The following SCLT1 variants were observed in gnomAD, a reference collection of about 807,000 sequenced individuals.
The protein encoded by SCLT1 is sodium channel-associated protein 1.
Under a neutral mutation model 112.8 loss-of-function variants are expected in SCLT1, and 78 were observed. The observed-to-expected ratio is 0.69, with a 90% CI of 0.58 to 0.83. The LOEUF is 0.83. Among genes scored for constraint, SCLT1 ranks in the 40% least tolerant of loss-of-function variants. The probability of loss-of-function intolerance (pLI) is 0.00; values close to 1 mark genes in which losing one functional copy is unlikely to be tolerated. For missense variants in SCLT1, 747 were observed against 770.4 expected (o/e 0.97, Z 0.36); for synonymous variants, 257 against 254.7 (o/e 1.01, Z -0.09).
chr4:129,077,806 C>A (rs1396579055), intron 2 of SCLT1, among the ~76,000 whole-genome samples: 1 of 152,224 alleles, frequency 6.6e-6, no homozygotes, highest in Non-Finnish European at 1.5e-5. Flanking sequence ...AGAAAAAATT[C>A]TCTTGAACAT....
rs902585459 is a variant in SCLT1 at position 129,012,348 on chromosome 4, TTC to T, written c.291-8474_291-8473del. 4.6e-5 allele frequency among the ~76,000 whole-genome samples: 7 copies of T among 152,274 alleles called. No homozygotes were observed. In the South Asian group the frequency reaches 1.0e-3, roughly 23 times the overall value. On this transcript the variant is annotated intron_variant, in intron 5 of 20. Transcript: ENST00000281142. ...TGTAATTGTATGGTTTTGAGCAAAT[TTC>T]TGTTTTGGCTTCTAATTTGTGCTGT... is the stretch of plus-strand genomic sequence containing the variant.
intron 13 of SCLT1, among the ~76,000 whole-genome samples, chr4:128,954,305 G>A (rs1054250147): frequency 6.8e-6 from 1 of 147,468 alleles, no homozygotes; most frequent in African/African-American, 2.5e-5. Flanking sequence ...TATTATTTCT[G>A]GGTCTATTTT....
chr4:128,961,713 C>T (rs1490674326), intron 11 of SCLT1, among the ~76,000 whole-genome samples: 1 of 152,022 alleles, frequency 6.6e-6, no homozygotes, highest in Non-Finnish European at 1.5e-5. Context: ...AAGTATTTCC[C>T]CCAAAGGTTT....
At position 128,917,450 on chromosome 4, in the gene SCLT1, T is replaced by C. The variant is rs560481881; in HGVS notation, c.1829+19205A>G. Among the ~76,000 whole-genome samples the C allele has an allele frequency of 2.5e-4, 38 of 152,310 alleles. No homozygotes were observed. The East Asian group carries it at 6.6e-3, about 26-fold the overall frequency. On this transcript the variant is annotated intron_variant, in intron 18 of 20. Transcript: ENST00000281142. ...TGATCCTGATACTAATCCCCAGCAA[T>C]AGTTCTGATAATTTATTTTATAGCC...
chr4:128,907,633 T>C (rs1249195890), intron 18 of SCLT1, among the ~76,000 whole-genome samples: 1 of 152,078 alleles, frequency 6.6e-6, no homozygotes. Context: ...CAGTAGAGAG[T>C]TGGAAATACA....
intron 2 of SCLT1, among the ~76,000 whole-genome samples, chr4:129,048,417 G>T (rs1424511860): frequency 6.6e-6 from 1 of 151,030 alleles, no homozygotes; most frequent in Non-Finnish European, 1.5e-5. Context: ...GGGAAAACTG[G>T]CTAGCCATAT....
At position 128,890,916 on chromosome 4, in the gene SCLT1, C is replaced by T. The variant is rs567061669; in HGVS notation, c.1908+143G>A. 33 of 576,330 alleles carry T rather than the reference C, an allele frequency of 5.7e-5. No individual in the cohort carries two copies. The East Asian group carries it at 7.7e-4, about 13-fold the overall frequency. The allele number at this position is 576,330 out of a possible 1,614,324, so 35.7% of individuals were successfully genotyped here. On this transcript the variant is annotated intron_variant, in intron 19 of 20. Transcript: ENST00000281142. ...CAAAGCTTTTATTCACATTATATTGCGTGTGGGCTTTTAGGGTTATGGATG... is the reference window on the plus strand; with the variant it reads ...CAAAGCTTTTATTCACATTATATTGTGTGTGGGCTTTTAGGGTTATGGATG...
chr4:128,978,444 A>C (rs905271082), intron 9 of SCLT1, among the ~76,000 whole-genome samples: 6 of 151,888 alleles, frequency 4.0e-5, no homozygotes, highest in Non-Finnish European at 7.4e-5. Context: ...AAACAAAACA[A>C]AACAAAACAA....
intron 18 of SCLT1, among the ~76,000 whole-genome samples, chr4:128,905,807 C>A (rs1229786926): frequency 1.4e-5 from 1 of 72,350 alleles, no homozygotes; most frequent in East Asian, 3.9e-4. Context: ...CCTTTTTAGA[C>A]TATTTTTTTT....
chr4:129,056,045 C>T (rs907663593), intron 2 of SCLT1, among the ~76,000 whole-genome samples: 4 of 152,138 alleles, frequency 2.6e-5, no homozygotes, highest in Admixed American at 1.3e-4. Context: ...GGAGGGAGAC[C>T]CCGGCTGCTT....
At chr4:128,895,226 A>C (rs1367931354) in intron 18 of SCLT1, among the ~76,000 whole-genome samples, 1 of 152,188 alleles carries the variant, frequency 6.6e-6, no homozygotes, top group Non-Finnish European at 1.5e-5. Context: ...TTCCCTCTCT[A>C]AACCATGTAT....
intron 18 of SCLT1, among the ~76,000 whole-genome samples, chr4:128,901,887 C>T (rs910323510): frequency 2.6e-5 from 4 of 152,008 alleles, no homozygotes; most frequent in Non-Finnish European, 4.4e-5. Flanking sequence ...CACATACATA[C>T]ACACATTCTT....
rs544296153 is a variant in SCLT1, at chr4:128,893,820, C to T, written c.1830-2683G>A. ...CCTCCCAAAGTGTTGGGATTACAGGCGTGAGCCACTGTGCCCAGCCCCGAA... is the reference window on the plus strand; with the variant it reads ...CCTCCCAAAGTGTTGGGATTACAGGTGTGAGCCACTGTGCCCAGCCCCGAA... On this transcript the variant is annotated intron_variant, in intron 18 of 20. Coordinates refer to ENST00000281142, the MANE Select transcript of SCLT1 (RefSeq NM_144643.4). Among the ~76,000 whole-genome samples, 12 of 152,266 alleles carry T rather than the reference C, an allele frequency of 7.9e-5. No homozygotes were observed. The South Asian group carries it at 8.3e-4, about 11-fold the overall frequency.
At chr4:128,952,037 C>T (rs748271631) in intron 14 of SCLT1, among the ~76,000 whole-genome samples, 1 of 151,996 alleles carries the variant, frequency 6.6e-6, no homozygotes, top group African/African-American at 2.4e-5. Flanking sequence ...TAAAGGAAGG[C>T]GTAAGACTCT....
chr4:128,979,882 G>C (rs73847331), intron 9 of SCLT1, among the ~76,000 whole-genome samples: 1 of 152,122 alleles, frequency 6.6e-6, no homozygotes, highest in Non-Finnish European at 1.5e-5. Flanking sequence ...TGTGGCTAAG[G>C]TTCCACTCTT....
intron 17 of SCLT1, among the ~76,000 whole-genome samples, chr4:128,942,339 A>C (rs1337542272): frequency 1.3e-5 from 2 of 150,206 alleles, no homozygotes; most frequent in Non-Finnish European, 3.0e-5. Flanking sequence ...TGAAATTGGA[A>C]GATGTAGATA....
rs529807438 is a variant in SCLT1, at chr4:128,893,921, C to T, written c.1830-2784G>A. The stretch of plus-strand genomic sequence containing the variant: ...AGTAACTTGCCTAGGGTCACATAGC[C>T]TGTCAGGTTTTTTGTTTGTTTGTTT... On this transcript the variant is annotated intron_variant, in intron 18 of 20. Transcript: ENST00000281142. 1.4e-4 allele frequency among the ~76,000 whole-genome samples: 21 copies of T among 151,960 alleles called. No individual in the cohort carries two copies. In the South Asian group the frequency reaches 2.3e-3, roughly 17 times the overall value.
At chr4:129,086,677 A>G (rs747931050) in intron 1 of SCLT1, among the ~76,000 whole-genome samples, 1 of 152,142 alleles carries the variant, frequency 6.6e-6, no homozygotes, top group Non-Finnish European at 1.5e-5. Context: ...CAGGGGTATA[A>G]TCATATTAAG....
chr4:128,935,683 T>G (rs1737125064), intron 18 of SCLT1, among the ~76,000 whole-genome samples: 1 of 152,122 alleles, frequency 6.6e-6, no homozygotes, highest in African/African-American at 2.4e-5. Context: ...TCTGAATTTT[T>G]ATTTTTGATT....
Sources: allele counts gnomAD v4.1 joint callset (sites outside exome capture counted in the v4.1 genomes callset), GRCh38; gene constraint gnomAD v4.1.1; transcripts MANE v1.5; gene names NCBI Gene and HGNC (gene_info 2026-07-23, HGNC 2026-07-21).